The following RUFY1 variants were observed in gnomAD, a reference collection of about 807,000 sequenced individuals.
RUFY1 encodes RUN and FYVE domain containing 1.
RUFY1 carries 54 observed loss-of-function variants against 94.6 expected under a neutral mutation model. The observed-to-expected ratio is 0.57, with a 90% confidence interval of 0.46 to 0.72. The LOEUF (loss-of-function observed/expected upper bound fraction) is 0.72, where lower values mean the gene tolerates loss of function less well. Ranked by LOEUF, RUFY1 falls within the 30% of genes least tolerant of loss-of-function variation. The pLI, the probability that RUFY1 is intolerant of heterozygous loss-of-function variation, is 0.00. For missense variants in RUFY1, 883 were observed against 883.9 expected, an observed-to-expected ratio of 1.00 and a Z score of 0.01; for synonymous variants, 396 against 347.3, an observed-to-expected ratio of 1.14 and a Z score of -1.56.
intron 5 of RUFY1, among the ~76,000 whole-genome samples, chr5:179,573,038 T>C (rs1427542557): frequency 1.3e-5 from 2 of 152,250 alleles, no homozygotes; most frequent in Non-Finnish European, 2.9e-5. Flanking sequence ...AATTTGAAAT[T>C]CCACTTTTAT....
chr5:179,592,892 C>T (rs908786429), intron 10 of RUFY1, among the ~76,000 whole-genome samples: 2 of 152,172 alleles, frequency 1.3e-5, no homozygotes, highest in Non-Finnish European at 1.5e-5. Context: ...GCATTCTGAT[C>T]TGTGGGTATG....
At chr5:179,554,553 G>T (rs1218774396) in intron 1 of RUFY1, among the ~76,000 whole-genome samples, 1 of 151,664 alleles carries the variant, frequency 6.6e-6, no homozygotes, top group Non-Finnish European at 1.5e-5. Flanking sequence ...AAAAAGAAAA[G>T]AAAAGTTTTC....
At chr5:179,602,016 T>A in intron 15 of RUFY1, 30 bp downstream of exon 15, 1 of 1,537,202 alleles carries the variant, frequency 6.5e-7, no homozygotes, top group Non-Finnish European at 9.0e-7. Context: ...TGTCTGCCAC[T>A]GCAGGCACAC....
rs1224843506 is a variant in RUFY1, at chr5:179,550,655, C to T, written c.86C>T (p.Ala29Val). The T allele has an allele frequency of 8.3e-6, 12 of 1,447,650 alleles. No homozygotes were observed. Among genetic ancestry groups the T allele is most frequent in the Non-Finnish European group, 1.1e-5 (12 of 1,109,572 alleles). 89.7% of individuals were successfully genotyped at this position (1,447,650 alleles called of 1,614,324 possible). ...ELEPGPGPGS[A>V]LEPGEEFEIV... Reference sequence around the variant, plus strand: ...GAGCCGGGGCCGGGGCCCGGGTCAGCGCTTGAGCCGGGAGAAGAGTTTGAG... The same window carrying T: ...GAGCCGGGGCCGGGGCCCGGGTCAGTGCTTGAGCCGGGAGAAGAGTTTGAG... The change falls in exon 1 of 18, where the codon GCG (alanine) becomes GTG (valine). Residue 29 changes from alanine (A) to valine (V), a missense_variant. By Grantham distance (64) the Ala-to-Val change is moderately conservative. Coordinates refer to ENST00000319449, the MANE Select transcript of RUFY1 (RefSeq NM_025158.5).
rs1406501482 is a variant in RUFY1 at position 179,563,238 on chromosome 5, G to A, written c.602+574G>A. On this transcript the variant is annotated intron_variant, in intron 3 of 17. Coordinates refer to ENST00000319449, the MANE Select transcript of RUFY1 (RefSeq NM_025158.5). ...TTCCCAGACGGGACTGGACTGTTGA[G>A]CGTTTATTTGACCCTTCTCCTAGGG... Among the ~76,000 whole-genome samples the A allele has an allele frequency of 2.6e-5, 4 of 152,160 alleles. No individual in the cohort carries two copies. In the East Asian group the frequency reaches 7.7e-4, roughly 29 times the overall value.
chr5:179,567,992 C>T (rs975699299), intron 4 of RUFY1, among the ~76,000 whole-genome samples: 8 of 152,162 alleles, frequency 5.3e-5, no homozygotes, highest in Non-Finnish European at 1.0e-4. Context: ...TGCCTGTAAT[C>T]CCAGCACTTT....
chr5:179,609,511 GC>G lies in RUFY1; in HGVS notation c.2121del (p.Ser708ProfsTer60), dbSNP rs1562135541. ...TLLLQRCSST[A>X]S is the part of the protein sequence containing the mutation. Reference sequence around the variant, plus strand: ...GCTCCTGCAGCGCTGCTCCTCCACGGCCTCCTGAACGTCCGTCCTCAGGAGC... The same window carrying G: ...GCTCCTGCAGCGCTGCTCCTCCACGGCTCCTGAACGTCCGTCCTCAGGAGC... On this transcript the variant is annotated frameshift_variant, in exon 18 of 18. Transcript: ENST00000319449. LOFTEE classifies it high-confidence loss of function. 6.2e-7 allele frequency: 1 copy of G among 1,603,130 alleles called. No individual in the cohort carries two copies. The highest frequency in any genetic ancestry group is 1.3e-5 in the African/African-American group (1 of 74,884).
chr5:179,579,654 C>CTTTTTTTTTTTTTTTTTTTTTT (rs1554118772), intron 6 of RUFY1, among the ~76,000 whole-genome samples: 1 of 38,638 alleles, frequency 2.6e-5, no homozygotes, highest in Non-Finnish European at 5.4e-5. Context: ...CCCTTTTCTT[C>CTTTTTTTTTTTTTTTTTTTTTT]TTCTTTTTTT....
At position 179,550,803 on chromosome 5, in the gene RUFY1, G is replaced by A. The variant is rs1581402111; in HGVS notation, c.234G>A (p.Ser78=). The part of the protein sequence containing the change: ...TLARRATGNL[S]ASCGSALRAA... ...CACGCAGGGCCACCGGGAACCTGTC[G>A]GCGAGCTGCGGGAGCGCGCTGCGCG... Residue 78 remains serine, a synonymous_variant, in exon 1 of 18, where the codon TCG becomes TCA. Transcript: ENST00000319449. 7 of 1,319,578 alleles carry A rather than the reference G, an allele frequency of 5.3e-6. No homozygotes were observed. In the African/African-American group the frequency reaches 9.2e-5, roughly 17 times the overall value. 81.7% of individuals were successfully genotyped at this position (1,319,578 alleles called of 1,614,324 possible).
At position 179,608,942 on chromosome 5, in the gene RUFY1, G is replaced by A. The variant is rs561866885; in HGVS notation, c.1984-434G>A. On this transcript the variant is annotated intron_variant, in intron 17 of 17. Coordinates refer to ENST00000319449, the MANE Select transcript of RUFY1 (RefSeq NM_025158.5). ...ACTCAAAAAAAAAAAAAAAAGCCGG[G>A]CGCGGTGTTTCACGCCTGTAATCCC... is the stretch of plus-strand genomic sequence containing the variant. 1.9e-4 allele frequency among the ~76,000 whole-genome samples: 28 copies of A among 147,132 alleles called. No individual in the cohort carries two copies. The East Asian group carries it at 5.1e-3, about 27-fold the overall frequency.
In RUFY1 at chr5:179,580,245, A is replaced by ATATAT. The variant is rs59300402; in HGVS notation, c.891-701_891-700insATATT. Among the ~76,000 whole-genome samples the ATATAT allele has an allele frequency of 3.8e-3, 309 of 81,668 alleles. 3 individuals are homozygous for ATATAT. Among genetic ancestry groups the ATATAT allele is most frequent in the African/African-American group, 0.012 (218 of 18,608 alleles). 53.6% of individuals were successfully genotyped at this position (81,668 alleles called of 152,430 possible). On this transcript the variant is annotated intron_variant, in intron 6 of 17. Transcript: ENST00000319449. ...TGTGTGTGTGTGTGTGTGTGTGTAT[A>ATATAT]TTTTTTTTTTTTTTTGAGACGGAGT...
intron 6 of RUFY1, among the ~76,000 whole-genome samples, chr5:179,580,026 AAAT>A (rs1480986488): frequency 6.6e-6 from 1 of 152,030 alleles, no homozygotes; most frequent in East Asian, 1.9e-4. Flanking sequence ...ACCAGTCAGG[AAAT>A]AATTGAATTA....
At chr5:179,560,753 A>G (rs1762398589) in intron 2 of RUFY1, among the ~76,000 whole-genome samples, 1 of 151,272 alleles carries the variant, frequency 6.6e-6, no homozygotes, top group Non-Finnish European at 1.5e-5. Flanking sequence ...AGAAAAAAGA[A>G]AAAAAAGTGT....
At chr5:179,584,150 A>G (rs1489532228) in intron 7 of RUFY1, among the ~76,000 whole-genome samples, 1 of 152,100 alleles carries the variant, frequency 6.6e-6, no homozygotes, top group African/African-American at 2.4e-5. Flanking sequence ...TTCCCTCTGT[A>G]TCTTTTGGTT....
At chr5:179,557,091 T>C (rs1193160694) in intron 1 of RUFY1, among the ~76,000 whole-genome samples, 5 of 152,164 alleles carry the variant, frequency 3.3e-5, no homozygotes, top group Admixed American at 2.0e-4. Context: ...TTAAGAAAAT[T>C]TCTCAACTGT....
chr5:179,555,555 C>T (rs572402644), intron 1 of RUFY1: 70 of 365,662 alleles, frequency 1.9e-4, no homozygotes, highest in East Asian at 1.2e-3. Context: ...CACCACCCAG[C>T]GCTGATTGCC....
Position 179,575,918 on chromosome 5 carries a change from A to C in RUFY1, c.829-1157A>C, listed in dbSNP as rs561919635. 1.1e-4 allele frequency among the ~76,000 whole-genome samples: 17 copies of C among 152,110 alleles called. No individual in the cohort carries two copies. In the East Asian group the frequency reaches 2.9e-3, roughly 26 times the overall value. On this transcript the variant is annotated intron_variant, in intron 5 of 17. Transcript: ENST00000319449. ...CACCTCAGCCTCCCAAGTAGCTGGG[A>C]CTACAGGCATGTACCACTGCACCCA...
chr5:179,569,426 G>A lies in RUFY1; in HGVS notation c.828+1G>A. 1 of 1,613,596 alleles carries A rather than the reference G, an allele frequency of 6.2e-7. No individual in the cohort carries two copies. The highest frequency in any genetic ancestry group is 8.5e-7 in the Non-Finnish European group (1 of 1,179,916). On this transcript the variant is annotated splice_donor_variant, in intron 5 of 17. Transcript: ENST00000319449. LOFTEE classifies it high-confidence loss of function. ...GAAAGGAGAAGACTTGGATTCTCAG[G>A]TAAAATGAAATTTTGGCTCTAGATG...
At chr5:179,562,297 A>G (rs1762516310) in intron 2 of RUFY1, among the ~76,000 whole-genome samples, 1 of 152,050 alleles carries the variant, frequency 6.6e-6, no homozygotes, top group African/African-American at 2.4e-5. Context: ...AACCCCAGCT[A>G]CTCAGGAGGC....
Sources: allele counts gnomAD v4.1 joint callset (sites outside exome capture counted in the v4.1 genomes callset), GRCh38; gene constraint gnomAD v4.1.1; transcripts MANE v1.5; gene names NCBI Gene and HGNC (gene_info 2026-07-23, HGNC 2026-07-21).